MAGI2: variants seen among roughly 807,000 people sequenced by gnomAD.
The protein encoded by MAGI2 is membrane associated guanylate kinase, WW and PDZ domain containing 2, also known as membrane-associated guanylate kinase, WW and PDZ domain-containing protein 2.
Under a neutral mutation model 133.3 loss-of-function variants are expected in MAGI2, and 35 were observed. The ratio of observed to expected loss-of-function variants is 0.26; its 90% CI spans 0.20 to 0.35. MAGI2 has a LOEUF of 0.35. Among genes scored for constraint, MAGI2 ranks in the 10% least tolerant of loss-of-function variants. The pLI is 1.00. For synonymous variants in MAGI2, 729 were observed against 710.6 expected (o/e 1.03, Z -0.41); for missense variants, 1,636 against 1,863.4 (o/e 0.88, Z 2.25).
At chr7:78,250,126 G>T (rs798362) in intron 10 of MAGI2, among the ~76,000 whole-genome samples, 101,032 of 151,770 alleles carry the variant, frequency 0.67, 33,886 homozygotes, top group East Asian at 0.81. Context: ...CAAAATAAAT[G>T]AATATTAAAA....
At chr7:79,281,014 C>A (rs762421507) in intron 1 of MAGI2, among the ~76,000 whole-genome samples, 1 of 141,208 alleles carries the variant, frequency 7.1e-6, no homozygotes, top group African/African-American at 2.7e-5. Flanking sequence ...GGGAGCATAA[C>A]CTAACTGTTT....
rs1790525195 is a variant in MAGI2, at chr7:78,465,480, G to A, written c.1045+24281C>T. 2.0e-5 allele frequency among the ~76,000 whole-genome samples: 3 copies of A among 152,288 alleles called. No homozygotes were observed. The South Asian group carries it at 6.2e-4, about 32-fold the overall frequency. ...AGAAATCCTTAGGCTATTCTCTGGAGAAGTTGCTGTTTCAGAAATTTTAGG... is the reference window on the plus strand; with the variant it reads ...AGAAATCCTTAGGCTATTCTCTGGAAAAGTTGCTGTTTCAGAAATTTTAGG... On this transcript the variant is annotated intron_variant, in intron 6 of 21. Coordinates refer to ENST00000354212, the MANE Select transcript of MAGI2 (RefSeq NM_012301.4).
chr7:79,044,976 T>A (rs1376007805), intron 1 of MAGI2, among the ~76,000 whole-genome samples: 1 of 152,232 alleles, frequency 6.6e-6, no homozygotes, highest in Non-Finnish European at 1.5e-5. Context: ...CAAAAGACTC[T>A]TACTTGAATG....
intron 1 of MAGI2, among the ~76,000 whole-genome samples, chr7:79,407,470 C>G (rs1039649230): frequency 1.6e-4 from 24 of 152,066 alleles, no homozygotes; most frequent in African/African-American, 5.1e-4. Context: ...CAAGAGTTCC[C>G]TCTGAAACAT....
intron 2 of MAGI2, among the ~76,000 whole-genome samples, chr7:78,960,851 C>A (rs553454000): frequency 6.6e-6 from 1 of 152,178 alleles, no homozygotes; most frequent in Non-Finnish European, 1.5e-5. Flanking sequence ...GATATTTAAT[C>A]CTCATTAGCC....
chr7:78,342,071 G>C (rs1301267689), intron 9 of MAGI2, among the ~76,000 whole-genome samples: 1 of 151,728 alleles, frequency 6.6e-6, no homozygotes, highest in Admixed American at 6.6e-5. Flanking sequence ...TCTGACAAAG[G>C]GCTAATATCC....
intron 1 of MAGI2, among the ~76,000 whole-genome samples, chr7:79,397,311 AAC>A (rs1467137325): frequency 1.3e-5 from 2 of 151,512 alleles, no homozygotes; most frequent in Non-Finnish European, 2.9e-5. Context: ...TTATAATAGC[AAC>A]ACTTTTTCAT....
intron 21 of MAGI2, among the ~76,000 whole-genome samples, chr7:78,067,723 G>C (rs1397806990): frequency 6.6e-6 from 1 of 152,164 alleles, no homozygotes; most frequent in African/African-American, 2.4e-5. Flanking sequence ...TTAAAGCCTG[G>C]AGTAAGGCAT....
intron 3 of MAGI2, among the ~76,000 whole-genome samples, chr7:78,575,976 C>A (rs530370269): frequency 3.3e-5 from 5 of 152,060 alleles, no homozygotes; most frequent in Non-Finnish European, 7.4e-5. Flanking sequence ...CACACTAATG[C>A]AAGATAACAG....
chr7:78,581,903 C>T lies in MAGI2; in HGVS notation c.538+45217G>A, dbSNP rs576433931. On this transcript the variant is annotated intron_variant, in intron 3 of 21. Transcript: ENST00000354212. ...AGTAAGGCCTGTTTGTTAAGATTCT[C>T]CTCTGTGTTCTTGTGCCTTCAGAAG... 1.4e-4 allele frequency among the ~76,000 whole-genome samples: 22 copies of T among 152,248 alleles called. No homozygotes were observed. In the Middle Eastern group the frequency reaches 0.014, roughly 94 times the overall value.
At chr7:78,426,705 T>C (rs1386992335) in intron 6 of MAGI2, among the ~76,000 whole-genome samples, 1 of 152,150 alleles carries the variant, frequency 6.6e-6, no homozygotes, top group East Asian at 1.9e-4. Context: ...TTGAAATTCC[T>C]GAAGGTGAGG....
chr7:79,219,560 A>C (rs1830283680), intron 1 of MAGI2, among the ~76,000 whole-genome samples: 1 of 152,188 alleles, frequency 6.6e-6, no homozygotes. Context: ...GTATTTTGTC[A>C]GTATTCTTTC....
chr7:79,098,453 G>C (rs1033851486), intron 1 of MAGI2, among the ~76,000 whole-genome samples: 3 of 152,126 alleles, frequency 2.0e-5, no homozygotes, highest in Non-Finnish European at 1.5e-5. Flanking sequence ...CTACATTAAT[G>C]TTAGCTCTTA....
chr7:78,756,723 C>A (rs1012747641), intron 2 of MAGI2, among the ~76,000 whole-genome samples: 4 of 152,156 alleles, frequency 2.6e-5, no homozygotes, highest in Non-Finnish European at 5.9e-5. Context: ...CTGCTGAGAT[C>A]TTCAATATGC....
At chr7:78,078,032 A>G (rs1436464758) in intron 21 of MAGI2, 1 of 149,034 alleles carries the variant, frequency 6.7e-6, no homozygotes, top group East Asian at 1.9e-4. Context: ...CCCACCCTAG[A>G]AATCTTTTTT....
intron 1 of MAGI2, among the ~76,000 whole-genome samples, chr7:79,389,147 T>C (rs1023078495): frequency 1.3e-5 from 2 of 152,010 alleles, no homozygotes; most frequent in Non-Finnish European, 2.9e-5. Flanking sequence ...TGTTAACAAA[T>C]AAAATGCATA....
intron 6 of MAGI2, among the ~76,000 whole-genome samples, chr7:78,420,375 G>C (rs1798687286): frequency 6.6e-6 from 1 of 152,136 alleles, no homozygotes; most frequent in South Asian, 2.1e-4. Flanking sequence ...GACAAAATGG[G>C]AGGACCATCA....
At chr7:78,445,806 G>A (rs1206627248) in intron 6 of MAGI2, among the ~76,000 whole-genome samples, 1 of 151,740 alleles carries the variant, frequency 6.6e-6, no homozygotes, top group Non-Finnish European at 1.5e-5. Flanking sequence ...TTTCTTCCTT[G>A]AAAACATCAA....
intron 2 of MAGI2, among the ~76,000 whole-genome samples, chr7:78,642,480 C>T (rs1390190386): frequency 6.6e-6 from 1 of 152,092 alleles, no homozygotes; most frequent in East Asian, 1.9e-4. Context: ...AGACTATGTG[C>T]TAATTTTTAA....
Sources: gnomAD v4.1 joint callset for allele counts (sites outside exome capture counted in the v4.1 genomes callset) on GRCh38, gnomAD v4.1.1 for gene constraint, MANE v1.5 for transcripts, NCBI Gene and HGNC (gene_info 2026-07-23, HGNC 2026-07-21) for gene names.